PHACTR1: variants seen among roughly 807,000 people sequenced by gnomAD.
PHACTR1 encodes RPEL repeat containing 1.
Under a neutral mutation model 69.2 loss-of-function variants are expected in PHACTR1, and 16 were observed. That is an observed-to-expected ratio of 0.23 (90% CI 0.16 to 0.35). PHACTR1 has a LOEUF of 0.35. PHACTR1 is among the 10% of genes least tolerant of loss of function. The pLI is 1.00. For synonymous variants in PHACTR1, 312 were observed against 284.5 expected (o/e 1.10, Z -0.97); for missense variants, 510 against 734.7 (o/e 0.69, Z 3.54).
intron 7 of PHACTR1, among the ~76,000 whole-genome samples, chr6:13,192,393 T>C (rs1393707780): frequency 1.3e-5 from 2 of 152,192 alleles, no homozygotes; most frequent in African/African-American, 4.8e-5. Context: ...AGGCTTATTA[T>C]GTTCAAGAAA....
At chr6:13,236,197 T>G in intron 10 of PHACTR1, among the ~76,000 whole-genome samples, 1 of 152,174 alleles carries the variant, frequency 6.6e-6, no homozygotes. Flanking sequence ...GTAGAAGCTC[T>G]TGGAAGCCTG....
intron 4 of PHACTR1, among the ~76,000 whole-genome samples, chr6:12,910,461 A>G (rs754509750): frequency 1.0e-3 from 157 of 152,226 alleles, no homozygotes; most frequent in African/African-American, 2.1e-3. Flanking sequence ...AAAATAGGAA[A>G]AGAAAATCTG....
intron 4 of PHACTR1, among the ~76,000 whole-genome samples, chr6:12,850,402 T>C (rs548180671): frequency 6.6e-6 from 1 of 152,368 alleles, no homozygotes; most frequent in East Asian, 1.9e-4. Flanking sequence ...TGCTAGTTAA[T>C]CAACTTTGCA....
At chr6:12,972,078 T>C (rs1240235666) in intron 4 of PHACTR1, among the ~76,000 whole-genome samples, 2 of 152,356 alleles carry the variant, frequency 1.3e-5, no homozygotes, top group Non-Finnish European at 2.9e-5. Flanking sequence ...TACCTTTTAC[T>C]ATATCTGGAT....
Position 13,246,995 on chromosome 6 carries a change from AT to A in PHACTR1, c.1391+16803del, listed in dbSNP as rs1773662659. On this transcript the variant is annotated intron_variant, in intron 10 of 14. Transcript: ENST00000332995. The surrounding 1 kb of genome is among the most constrained non-coding windows in gnomAD (Gnocchi z 4.2). The stretch of plus-strand genomic sequence containing the variant: ...AGGCAGAATGTAAACAGGGAAAAGC[AT>A]CCAAAGATACAACCCTGGAAAATCA... Among the ~76,000 whole-genome samples, 1 of 152,244 alleles carries A rather than the reference AT, an allele frequency of 6.6e-6. No individual in the cohort carries two copies. The highest frequency in any genetic ancestry group is 2.4e-5 in the African/African-American group (1 of 41,458).
Position 13,287,396 on chromosome 6 carries a change from C to G in PHACTR1, c.*318C>G. 2.6e-6 allele frequency: 1 copy of G among 383,328 alleles called. No homozygotes were observed. Among genetic ancestry groups the G allele is most frequent in the Non-Finnish European group, 4.7e-6 (1 of 212,350 alleles). 23.7% of individuals were successfully genotyped at this position (383,328 alleles called of 1,614,324 possible). A position where few individuals can be genotyped will look rare whatever the true frequency, so the allele number is the denominator to read the frequency against. On this transcript the variant is annotated 3_prime_UTR_variant, in exon 15 of 15. Transcript: ENST00000332995. ...ACGGTCCTTGTCCTCTCCAGCCAGG[C>G]CCAGCAGGCACTACCTTCATGAAGT...
At chr6:12,849,069 C>T (rs1246762929) in intron 4 of PHACTR1, among the ~76,000 whole-genome samples, 1 of 152,122 alleles carries the variant, frequency 6.6e-6, no homozygotes, top group African/African-American at 2.4e-5. Flanking sequence ...TCTCACAGTG[C>T]AAATTCTCTA....
chr6:13,125,671 G>A (rs1041714159), intron 5 of PHACTR1, among the ~76,000 whole-genome samples: 1 of 152,180 alleles, frequency 6.6e-6, no homozygotes, highest in East Asian at 1.9e-4. Context: ...GCTCATGCCT[G>A]TAATCCTAGC....
At chr6:13,101,068 T>C (rs549640772) in intron 5 of PHACTR1, among the ~76,000 whole-genome samples, 3 of 152,252 alleles carry the variant, frequency 2.0e-5, no homozygotes, top group Admixed American at 6.5e-5. Context: ...CCATTTTGTG[T>C]TGTTATAACA....
intron 5 of PHACTR1, among the ~76,000 whole-genome samples, chr6:13,141,495 T>A (rs145637133): frequency 0.01 from 1,529 of 152,314 alleles, 25 homozygotes; most frequent in African/African-American, 0.034. Context: ...AAAATACTCG[T>A]CAAAAACAAA....
intron 4 of PHACTR1, among the ~76,000 whole-genome samples, chr6:12,961,597 T>C (rs1792738703): frequency 6.6e-6 from 1 of 152,320 alleles, no homozygotes; most frequent in African/African-American, 2.4e-5. Flanking sequence ...ATTAAAGAAA[T>C]TGACCTCCCA....
At chr6:13,120,514 G>A (rs2127942168) in intron 5 of PHACTR1, among the ~76,000 whole-genome samples, 1 of 152,318 alleles carries the variant, frequency 6.6e-6, no homozygotes, top group Middle Eastern at 3.4e-3. Context: ...GTGGGGAGGA[G>A]AAAGTGTAGG....
intron 5 of PHACTR1, among the ~76,000 whole-genome samples, chr6:13,055,698 G>A (rs1447704103): frequency 1.3e-5 from 2 of 152,196 alleles, no homozygotes; most frequent in South Asian, 2.1e-4. Flanking sequence ...CATTTGACAA[G>A]GCCACAAGGC....
chr6:12,848,142 C>A (rs563615342), intron 4 of PHACTR1, among the ~76,000 whole-genome samples: 13 of 152,034 alleles, frequency 8.6e-5, no homozygotes, highest in African/African-American at 3.1e-4. Context: ...TTAATCCATC[C>A]ATAACTAGGC....
chr6:13,198,278 T>C (rs888071571), intron 7 of PHACTR1, among the ~76,000 whole-genome samples: 3 of 152,014 alleles, frequency 2.0e-5, no homozygotes, highest in African/African-American at 7.2e-5. Context: ...AGGGATTGAA[T>C]TGACTCAATA....
intron 4 of PHACTR1, among the ~76,000 whole-genome samples, chr6:12,770,989 G>A (rs1159154900): frequency 6.6e-6 from 1 of 152,154 alleles, no homozygotes; most frequent in African/African-American, 2.4e-5. Flanking sequence ...AAAGCTGGTA[G>A]GACTGGAACC....
chr6:13,190,659 G>A (rs1763449970), intron 7 of PHACTR1, among the ~76,000 whole-genome samples: 1 of 151,986 alleles, frequency 6.6e-6, no homozygotes, highest in Admixed American at 6.6e-5. Flanking sequence ...TAAACCACAT[G>A]GGAAGCATCT....
intron 4 of PHACTR1, among the ~76,000 whole-genome samples, chr6:12,890,555 C>A (rs949752868): frequency 4.6e-5 from 7 of 152,142 alleles, no homozygotes; most frequent in Admixed American, 1.3e-4. Context: ...CTTGACCCAG[C>A]CTCATGGGCC....
chr6:13,008,592 C>T (rs989736495), intron 4 of PHACTR1, among the ~76,000 whole-genome samples: 1 of 152,202 alleles, frequency 6.6e-6, no homozygotes, highest in Non-Finnish European at 1.5e-5. Context: ...TCCAGTCTAG[C>T]ATCTGCAAAA....
Sources: gnomAD v4.1 joint callset for allele counts (sites outside exome capture counted in the v4.1 genomes callset) on GRCh38, gnomAD v4.1.1 for gene constraint, Gnocchi (gnomAD v3.1) non-coding constraint, MANE v1.5 for transcripts, NCBI Gene and HGNC (gene_info 2026-07-23, HGNC 2026-07-21) for gene names.